The following IL17B variants were observed in gnomAD, a reference collection of about 807,000 sequenced individuals.
The protein encoded by IL17B is interleukin-17B.
In IL17B, 14 loss-of-function variants were observed where a neutral mutation model predicts 14.7. The ratio of observed to expected loss-of-function variants is 0.95; its 90% CI spans 0.63 to 1.49. The LOEUF (loss-of-function observed/expected upper bound fraction) is 1.49, where lower values mean the gene tolerates loss of function less well. Among genes scored for constraint, IL17B ranks in the 40% most tolerant of loss-of-function variants. The pLI, the probability that IL17B is intolerant of heterozygous loss-of-function variation, is 0.00. For missense variants in IL17B, 233 were observed against 252.8 expected, an observed-to-expected ratio of 0.92 and a Z score of 0.53; for synonymous variants, 105 against 94.8, an observed-to-expected ratio of 1.11 and a Z score of -0.62.
chr5:149,394,803 C>G (rs1227015187), intron 1 of IL17B, among the ~76,000 whole-genome samples: 2 of 152,128 alleles, frequency 1.3e-5, no homozygotes, highest in Non-Finnish European at 2.9e-5. Flanking sequence ...TGGCACTGCT[C>G]TTTCTGAAAT....
Position 149,374,852 on chromosome 5 carries a change from G to T in IL17B, c.312-252C>A, listed in dbSNP as rs911064585. ...TCACCCAGCTTCCTTCTTTCGTGCA[G>T]CCAGATGCCCATCCCAGTACTAGGT... is the stretch of plus-strand genomic sequence containing the variant. On this transcript the variant is annotated intron_variant, in intron 2 of 2. Transcript: ENST00000261796. This position sits in a 1 kb window ranked among gnomAD's most constrained non-coding sequence, Gnocchi z 5.0. 1.3e-5 allele frequency: 6 copies of T among 477,988 alleles called. No individual in the cohort carries two copies. The highest frequency in any genetic ancestry group is 1.9e-5 in the Non-Finnish European group (5 of 264,476). 29.6% of individuals were successfully genotyped at this position (477,988 alleles called of 1,614,324 possible).
rs1413664471 is a variant in IL17B, at chr5:149,374,320, G to A, written c.*49C>T. 6.7e-7 allele frequency: 1 copy of A among 1,485,142 alleles called. No individual in the cohort carries two copies. 92.0% of individuals were successfully genotyped at this position (1,485,142 alleles called of 1,614,324 possible). Reference sequence around the variant, plus strand: ...CATAGGCCTTTCTTGGCACAAAGGTGCAAGGAGGATGGTCTCGGGCTGCTG... The same window carrying A: ...CATAGGCCTTTCTTGGCACAAAGGTACAAGGAGGATGGTCTCGGGCTGCTG... On this transcript the variant is annotated 3_prime_UTR_variant, in exon 3 of 3. Transcript: ENST00000261796. The surrounding 1 kb of genome is among the most constrained non-coding windows in gnomAD (Gnocchi z 5.0).
upstream of IL17B, among the ~76,000 whole-genome samples, chr5:149,380,022 G>A (rs2227442): frequency 4.9e-3 from 752 of 152,262 alleles, 5 homozygotes; most frequent in African/African-American, 0.017. Context: ...GAGGACTTAC[G>A]GCTGATTGTC....
intron 1 of IL17B, among the ~76,000 whole-genome samples, chr5:149,386,297 C>T (rs1758827551): frequency 1.3e-5 from 2 of 152,184 alleles, no homozygotes; most frequent in Non-Finnish European, 1.5e-5. Flanking sequence ...TTGGGGCTGG[C>T]TTGCGATTAG....
chr5:149,399,394 T>C (rs899507781), intron 1 of IL17B, among the ~76,000 whole-genome samples: 3 of 152,198 alleles, frequency 2.0e-5, no homozygotes, highest in African/African-American at 4.8e-5. Flanking sequence ...GGGTTTGGAC[T>C]GCGCATGCAC....
intron 1 of IL17B, among the ~76,000 whole-genome samples, chr5:149,399,820 A>G (rs1374909945): frequency 6.6e-6 from 1 of 152,168 alleles, no homozygotes; most frequent in Non-Finnish European, 1.5e-5. Flanking sequence ...CTGCAAAATG[A>G]CCAGGGTTGG....
At chr5:149,377,940 G>A (rs377662919) in intron 1 of IL17B, among the ~76,000 whole-genome samples, 2 of 152,024 alleles carry the variant, frequency 1.3e-5, no homozygotes, top group African/African-American at 2.4e-5. Context: ...TCAGGAGATC[G>A]AGACCATCCT....
At chr5:149,399,184 C>T (rs1296263600) in intron 1 of IL17B, among the ~76,000 whole-genome samples, 2 of 152,164 alleles carry the variant, frequency 1.3e-5, no homozygotes, top group Admixed American at 1.3e-4. Flanking sequence ...GGGGACGCAG[C>T]CAAACCATAT....
At chr5:149,379,499 C>G (rs983855505), upstream of IL17B, among the ~76,000 whole-genome samples, 3 of 152,234 alleles carry the variant, frequency 2.0e-5, no homozygotes, top group Non-Finnish European at 4.4e-5. Flanking sequence ...CCCTGTGTGT[C>G]TGGTGGGGCT....
upstream of IL17B, among the ~76,000 whole-genome samples, chr5:149,383,417 ATTT>A (rs1758750081): frequency 6.6e-6 from 1 of 152,154 alleles, no homozygotes; most frequent in South Asian, 2.1e-4. Flanking sequence ...GACCTGAAGG[ATTT>A]GGTCTAAGAA....
chr5:149,387,176 C>T (rs563160593), intron 1 of IL17B, among the ~76,000 whole-genome samples: 22 of 152,332 alleles, frequency 1.4e-4, no homozygotes, highest in African/African-American at 4.8e-4. Flanking sequence ...CCTCAGCCCT[C>T]GGGGCATGTG....
upstream of IL17B, among the ~76,000 whole-genome samples, chr5:149,380,021 C>T (rs541640814): frequency 2.0e-5 from 3 of 152,190 alleles, no homozygotes; most frequent in Non-Finnish European, 2.9e-5. Context: ...TGAGGACTTA[C>T]GGCTGATTGT....
At chr5:149,387,775 CAAAAAA>C (rs57775228) in intron 1 of IL17B, among the ~76,000 whole-genome samples, 2 of 81,346 alleles carry the variant, frequency 2.5e-5, no homozygotes. Flanking sequence ...GCCCCTGTCT[CAAAAAA>C]AAAAAAAAAA....
chr5:149,380,166 G>A (rs928163722), upstream of IL17B, among the ~76,000 whole-genome samples: 3 of 152,078 alleles, frequency 2.0e-5, no homozygotes, highest in South Asian at 4.1e-4. Flanking sequence ...GAAGTAGACG[G>A]TGGCCTGGCC....
At chr5:149,377,469 C>T (rs1289902354) in intron 1 of IL17B, among the ~76,000 whole-genome samples, 12 of 152,330 alleles carry the variant, frequency 7.9e-5, no homozygotes, top group Non-Finnish European at 1.3e-4. Flanking sequence ...GCATGGACTC[C>T]GTGGGGGCAC....
intron 1 of IL17B, among the ~76,000 whole-genome samples, chr5:149,393,979 A>G (rs1759042298): frequency 6.6e-6 from 1 of 152,244 alleles, no homozygotes; most frequent in Admixed American, 6.5e-5. Context: ...AAATCCTGAA[A>G]ATAGAATTCT....
rs557351562 is a variant in IL17B at position 149,379,009 on chromosome 5, G to A, written c.21+196C>T. ...CTTCAGTGTGCCCCGGCTGAGCCCC[G>A]TTCAGGAGCCTGCACTGCTGGCCAT... On this transcript the variant is annotated intron_variant, in intron 1 of 2. Transcript: ENST00000261796. Among the ~76,000 whole-genome samples the A allele has an allele frequency of 3.3e-5, 5 of 152,282 alleles. No homozygotes were observed. In the South Asian group the frequency reaches 8.3e-4, roughly 25 times the overall value.
At chr5:149,382,318 A>G (rs1451137547), upstream of IL17B, among the ~76,000 whole-genome samples, 3 of 152,142 alleles carry the variant, frequency 2.0e-5, no homozygotes, top group Non-Finnish European at 2.9e-5. Context: ...GGGGTCACCG[A>G]TTCCAGGGGT....
intron 1 of IL17B, among the ~76,000 whole-genome samples, chr5:149,392,144 T>C (rs538228375): frequency 2.0e-5 from 3 of 152,222 alleles, no homozygotes; most frequent in African/African-American, 7.2e-5. Context: ...AGGACTTTGA[T>C]CCAACAATCG....
Sources: allele counts gnomAD v4.1 joint callset (sites outside exome capture counted in the v4.1 genomes callset), GRCh38; gene constraint gnomAD v4.1.1; non-coding constraint Gnocchi (gnomAD v3.1); transcripts MANE v1.5; gene names NCBI Gene and HGNC (gene_info 2026-07-23, HGNC 2026-07-21).